Variants in OPCML observed in about 807,000 individuals in gnomAD.
OPCML encodes the protein opioid binding protein/cell adhesion molecule like.
In OPCML, 13 loss-of-function variants were observed where a neutral mutation model predicts 37.8. The observed-to-expected ratio is 0.34, with a 90% CI of 0.22 to 0.55. The LOEUF is 0.55. Among genes scored for constraint, OPCML ranks in the 20% least tolerant of loss-of-function variants. OPCML has a pLI of 0.91. For synonymous variants in OPCML, 176 were observed against 168.8 expected (o/e 1.04, Z -0.33); for missense variants, 341 against 435.6 (o/e 0.78, Z 1.93).
At chr11:133,491,998 T>A (rs1947674090) in intron 1 of OPCML, among the ~76,000 whole-genome samples, 1 of 152,062 alleles carries the variant, frequency 6.6e-6, no homozygotes. Context: ...GGAGAGGAGA[T>A]GAGGAAAGCA....
intron 3 of OPCML, among the ~76,000 whole-genome samples, chr11:132,564,729 A>C (rs2096418447): frequency 1.3e-5 from 2 of 152,210 alleles, no homozygotes; most frequent in Admixed American, 1.3e-4. Flanking sequence ...GTGTTAAAAA[A>C]AAAGCAGCAA....
intron 2 of OPCML, among the ~76,000 whole-genome samples, chr11:132,864,630 A>G (rs374324880): frequency 2.0e-4 from 31 of 152,382 alleles, no homozygotes; most frequent in African/African-American, 7.5e-4. Flanking sequence ...AATTGCAAGT[A>G]GGAATTCAAT....
chr11:132,416,169 A>C lies in OPCML; in HGVS notation c.*4024T>G, dbSNP rs2095937974. 6.6e-6 allele frequency: 1 copy of C among 152,182 alleles called. No individual in the cohort carries two copies. The highest frequency in any genetic ancestry group is 2.1e-4 in the South Asian group (1 of 4,832). 9.4% of individuals were successfully genotyped at this position (152,182 alleles called of 1,614,324 possible). Reference sequence around the variant, plus strand: ...CCTTATGCTGCTTCCCTTAATTCCAAAGGGATTGACAATTTGCTTTTGTGT... The same window carrying C: ...CCTTATGCTGCTTCCCTTAATTCCACAGGGATTGACAATTTGCTTTTGTGT... On this transcript the variant is annotated 3_prime_UTR_variant, in exon 8 of 8. Transcript: ENST00000524381.
intron 1 of OPCML, among the ~76,000 whole-genome samples, chr11:133,363,136 C>G (rs2136725756): frequency 6.6e-6 from 1 of 152,132 alleles, no homozygotes; most frequent in Middle Eastern, 3.4e-3. Flanking sequence ...GATATCTGCA[C>G]GTCATGATTT....
intron 2 of OPCML, among the ~76,000 whole-genome samples, chr11:132,899,695 G>C (rs1480844420): frequency 6.6e-6 from 1 of 152,014 alleles, no homozygotes; most frequent in Non-Finnish European, 1.5e-5. Flanking sequence ...GTGTCTGTAG[G>C]GGATTTCCAG....
intron 1 of OPCML, among the ~76,000 whole-genome samples, chr11:133,493,419 C>T (rs903671317): frequency 2.0e-5 from 3 of 152,240 alleles, no homozygotes; most frequent in African/African-American, 4.8e-5. Flanking sequence ...CGTTCAGTCA[C>T]ATGGGTGCAT....
chr11:132,583,050 G>T (rs183086070), intron 3 of OPCML, among the ~76,000 whole-genome samples: 28 of 151,502 alleles, frequency 1.8e-4, no homozygotes, highest in Non-Finnish European at 3.2e-4. Flanking sequence ...GGGTTTTTTG[G>T]TTTTTTTGTT....
chr11:132,826,603 A>G (rs1302001592), intron 2 of OPCML, among the ~76,000 whole-genome samples: 1 of 152,226 alleles, frequency 6.6e-6, no homozygotes, highest in Non-Finnish European at 1.5e-5. Flanking sequence ...ACATGGCCAT[A>G]GCACTTCCAA....
intron 1 of OPCML, among the ~76,000 whole-genome samples, chr11:132,968,424 C>A (rs182259001): frequency 6.6e-6 from 1 of 152,256 alleles, no homozygotes; most frequent in African/African-American, 2.4e-5. Context: ...TGGAAAGGGG[C>A]CTGAGCATGC....
At position 132,671,431 on chromosome 11, in the gene OPCML, G is replaced by A. The variant is rs190534113; in HGVS notation, c.147-14112C>T. Among the ~76,000 whole-genome samples the A allele has an allele frequency of 2.8e-3, 427 of 152,232 alleles. 3 individuals carry two copies. The highest frequency in any genetic ancestry group is 5.0e-3 in the South Asian group (24 of 4,828). ...TTAACTTGCAAATGTTTCCAGTTCA[G>A]GCACCAAGAGTTGCTGCTTTTAATT... On this transcript the variant is annotated intron_variant, in intron 2 of 7. Transcript: ENST00000524381.
chr11:132,783,849 T>C (rs1263634853), intron 2 of OPCML, among the ~76,000 whole-genome samples: 1 of 152,164 alleles, frequency 6.6e-6, no homozygotes, highest in Non-Finnish European at 1.5e-5. Flanking sequence ...TGAAATCAAT[T>C]TGGTCTGAAA....
chr11:132,541,537 G>A lies in OPCML; in HGVS notation c.380-12351C>T, dbSNP rs539866058. 3.5e-3 allele frequency among the ~76,000 whole-genome samples: 522 copies of A among 147,464 alleles called. 4 individuals carry two copies. Among genetic ancestry groups the A allele is most frequent in the African/African-American group, 0.012 (491 of 39,906 alleles). ...CCAGATTTTTTTTTTTTTTTTGCCA[G>A]CAACTCTCATTTATTGAGAACTTAA... On this transcript the variant is annotated intron_variant, in intron 3 of 7. Coordinates refer to ENST00000524381, the MANE Select transcript of OPCML (RefSeq NM_001012393.5).
At chr11:133,201,607 T>A (rs1256145100) in intron 1 of OPCML, among the ~76,000 whole-genome samples, 1 of 152,060 alleles carries the variant, frequency 6.6e-6, no homozygotes, top group Non-Finnish European at 1.5e-5. Flanking sequence ...CATTTCTGTA[T>A]CCAAGCAGAG....
intron 4 of OPCML, among the ~76,000 whole-genome samples, chr11:132,481,688 A>T (rs953672820): frequency 1.9e-3 from 285 of 150,664 alleles, no homozygotes; most frequent in Non-Finnish European, 3.4e-3. Context: ...TCCTCAGCAA[A>T]TGTAAAAGAA....
chr11:132,421,825 T>G (rs1045963300), intron 7 of OPCML, among the ~76,000 whole-genome samples: 4 of 152,100 alleles, frequency 2.6e-5, no homozygotes, highest in African/African-American at 9.7e-5. Context: ...CTGGCACACA[T>G]CCTGAGAAAT....
chr11:133,259,589 A>G (rs1941425938), intron 1 of OPCML, among the ~76,000 whole-genome samples: 2 of 152,350 alleles, frequency 1.3e-5, no homozygotes, highest in South Asian at 4.1e-4. Flanking sequence ...TAAGCACAAA[A>G]GCCTCTATCT....
rs780995319 is a variant in OPCML at position 132,491,924 on chromosome 11, A to ATTTTT, written c.505+37132_505+37136dup. Among the ~76,000 whole-genome samples, 38 of 133,224 alleles carry ATTTTT rather than the reference A, an allele frequency of 2.9e-4. 1 individual carries two copies. Among genetic ancestry groups the ATTTTT allele is most frequent in the African/African-American group, 1.0e-3 (37 of 35,668 alleles). 87.4% of individuals were successfully genotyped at this position (133,224 alleles called of 152,430 possible). A position where few individuals can be genotyped will look rare whatever the true frequency, so the allele number is the denominator to read the frequency against. On this transcript the variant is annotated intron_variant, in intron 4 of 7. Transcript: ENST00000524381. Reference sequence around the variant, plus strand: ...GTAGGTGGGGTTTGGGACATACCTAATTTTTTTTTTTTTTTTTTTTTTACT... The same window carrying ATTTTT: ...GTAGGTGGGGTTTGGGACATACCTAATTTTTTTTTTTTTTTTTTTTTTTTTTTACT...
intron 1 of OPCML, among the ~76,000 whole-genome samples, chr11:132,957,177 G>A (rs1166709331): frequency 6.6e-6 from 1 of 152,118 alleles, no homozygotes; most frequent in African/African-American, 2.4e-5. Context: ...GGGTCATGAG[G>A]CTCAAAATTT....
intron 1 of OPCML, among the ~76,000 whole-genome samples, chr11:133,018,679 A>T (rs137991228): frequency 6.6e-6 from 1 of 152,346 alleles, no homozygotes; most frequent in East Asian, 1.9e-4. Context: ...GCCGTTCAGT[A>T]TAAAGAGCTC....
Sources: gnomAD v4.1 joint callset for allele counts (sites outside exome capture counted in the v4.1 genomes callset) on GRCh38, gnomAD v4.1.1 for gene constraint, MANE v1.5 for transcripts, NCBI Gene and HGNC (gene_info 2026-07-23, HGNC 2026-07-21) for gene names.